RBFOX1: variants seen among roughly 807,000 people sequenced by gnomAD.
RBFOX1 encodes RNA binding protein fox-1 homolog 1.
In RBFOX1, 8 loss-of-function variants were observed where a neutral mutation model predicts 57.7. That is an observed-to-expected ratio of 0.14 (90% CI 0.08 to 0.25). The LOEUF is 0.25. RBFOX1 is among the 10% of genes least tolerant of loss of function. The pLI is 1.00. For missense variants in RBFOX1, 611 were observed against 548.5 expected (o/e 1.11, Z -1.14); for synonymous variants, 326 against 222.4 (o/e 1.47, Z -4.15).
intron 3 of RBFOX1, chr16:5,610,254 G>A (rs55798930): frequency 0.18 from 27,292 of 152,168 alleles, 3,287 homozygotes; most frequent in East Asian, 0.38. Flanking sequence ...ACTCTCAGTC[G>A]CTACTTGTTG....
intron 4 of RBFOX1, among the ~76,000 whole-genome samples, chr16:7,076,522 C>T (rs564511078): frequency 6.6e-6 from 1 of 151,948 alleles, no homozygotes; most frequent in Admixed American, 6.6e-5. Flanking sequence ...AAAAATAATG[C>T]CATATCCCTT....
At chr16:6,484,007 G>A in intron 2 of RBFOX1, 1 of 944,536 alleles carries the variant, frequency 1.1e-6, no homozygotes, top group South Asian at 4.3e-5. Flanking sequence ...TGGACACTTG[G>A]AGAGGGCTAG....
chr16:7,447,219 G>A (rs2098815625), intron 4 of RBFOX1, among the ~76,000 whole-genome samples: 1 of 151,744 alleles, frequency 6.6e-6, no homozygotes, highest in South Asian at 2.1e-4. Flanking sequence ...ATTAATTGAG[G>A]TCAGGAGTTC....
At chr16:6,732,393 G>C (rs2345486) in intron 3 of RBFOX1, among the ~76,000 whole-genome samples, 90,943 of 152,168 alleles carry the variant, frequency 0.6, 30,922 homozygotes, top group Non-Finnish European at 0.77. Flanking sequence ...GCTTCCCCAA[G>C]GCAGGTGACC....
chr16:7,409,347 A>G (rs1440632216), intron 4 of RBFOX1, among the ~76,000 whole-genome samples: 1 of 152,248 alleles, frequency 6.6e-6, no homozygotes, highest in Non-Finnish European at 1.5e-5. Flanking sequence ...GTGAATTGAT[A>G]TTATAAACCC....
intron 2 of RBFOX1, among the ~76,000 whole-genome samples, chr16:6,563,836 A>C (rs1263218825): frequency 6.7e-6 from 1 of 148,292 alleles, no homozygotes; most frequent in African/African-American, 2.5e-5. Flanking sequence ...CAAAAAAAAA[A>C]TATATATATA....
At chr16:7,698,932 T>A (rs974577570) in intron 14 of RBFOX1, among the ~76,000 whole-genome samples, 1 of 152,168 alleles carries the variant, frequency 6.6e-6, no homozygotes, top group African/African-American at 2.4e-5. Flanking sequence ...TGAATTAGCC[T>A]AAGTGGGAAA....
intron 3 of RBFOX1, among the ~76,000 whole-genome samples, chr16:6,874,887 C>T (rs1456972414): frequency 6.6e-6 from 1 of 152,122 alleles, no homozygotes; most frequent in African/African-American, 2.4e-5. Flanking sequence ...GGAACATTAC[C>T]TGTTCCCACA....
At chr16:5,841,206 A>T (rs2056614290) in intron 3 of RBFOX1, among the ~76,000 whole-genome samples, 1 of 152,204 alleles carries the variant, frequency 6.6e-6, no homozygotes, top group African/African-American at 2.4e-5. Context: ...ATCACCACCA[A>T]TCCAGTGTCA....
chr16:7,271,231 C>T (rs79823821), intron 4 of RBFOX1, among the ~76,000 whole-genome samples: 2 of 152,076 alleles, frequency 1.3e-5, no homozygotes, highest in Non-Finnish European at 2.9e-5. Flanking sequence ...TTGCCTTTGT[C>T]TACACGTGTT....
intron 14 of RBFOX1, among the ~76,000 whole-genome samples, chr16:7,686,855 A>C (rs1295743437): frequency 6.6e-6 from 1 of 152,098 alleles, no homozygotes; most frequent in Non-Finnish European, 1.5e-5. Flanking sequence ...GAGGAACTAA[A>C]ATGACAAAAG....
chr16:7,382,551 T>A (rs1250542750), intron 4 of RBFOX1, among the ~76,000 whole-genome samples: 1 of 152,218 alleles, frequency 6.6e-6, no homozygotes, highest in Admixed American at 6.5e-5. Context: ...CTCACCGAAT[T>A]GATTCCATTT....
intron 4 of RBFOX1, among the ~76,000 whole-genome samples, chr16:7,446,987 T>A (rs2150076056): frequency 6.6e-6 from 1 of 151,616 alleles, no homozygotes; most frequent in Middle Eastern, 3.4e-3. Flanking sequence ...TAATATTTTG[T>A]ATTTTTAGTA....
chr16:7,100,293 C>A (rs996821794), intron 4 of RBFOX1, among the ~76,000 whole-genome samples: 3 of 151,876 alleles, frequency 2.0e-5, no homozygotes, highest in Non-Finnish European at 4.4e-5. Context: ...TAAAAAGAAC[C>A]CTGACTCTTT....
chr16:7,325,494 G>A (rs529609504), intron 4 of RBFOX1, among the ~76,000 whole-genome samples: 1 of 152,196 alleles, frequency 6.6e-6, no homozygotes, highest in Admixed American at 6.5e-5. Context: ...CATATGCTTA[G>A]TACATACTTG....
intron 4 of RBFOX1, among the ~76,000 whole-genome samples, chr16:7,236,579 A>G (rs1043088943): frequency 2.0e-5 from 3 of 152,182 alleles, no homozygotes; most frequent in East Asian, 1.9e-4. Context: ...TGATATCTCT[A>G]AGTTGAAAAT....
At chr16:5,488,093 T>A (rs182337509) in intron 2 of RBFOX1, among the ~76,000 whole-genome samples, 1 of 148,934 alleles carries the variant, frequency 6.7e-6, no homozygotes, top group East Asian at 2.0e-4. Flanking sequence ...ATTATGGTGA[T>A]GATGGTGATG....
At position 6,562,856 on chromosome 16, in the gene RBFOX1, C is replaced by CTTTTTTTTTTTTTTT. The variant is rs1567693438; in HGVS notation, c.-63-91744_-63-91743insTTTTTTTTTTTTTTT. On this transcript the variant is annotated intron_variant, in intron 2 of 15. Transcript: ENST00000550418. Reference sequence around the variant, plus strand: ...CTTTTCTTTCTTTCTTTCTTTCTTTCTTTCTTTCTTTCTTTCTTTCTTTCT... The same window carrying CTTTTTTTTTTTTTTT: ...CTTTTCTTTCTTTCTTTCTTTCTTTCTTTTTTTTTTTTTTTTTTCTTTCTTTCTTTCTTTCTTTCT... Among the ~76,000 whole-genome samples, 2 of 50,316 alleles carry CTTTTTTTTTTTTTTT rather than the reference C, an allele frequency of 4.0e-5. 1 individual carries two copies. Among genetic ancestry groups the CTTTTTTTTTTTTTTT allele is most frequent in the African/African-American group, 2.1e-4 (2 of 9,380 alleles). The allele number at this position is 50,316 out of a possible 152,430, so 33.0% of individuals were successfully genotyped here.
At chr16:7,366,837 C>T (rs968675218) in intron 4 of RBFOX1, among the ~76,000 whole-genome samples, 2 of 152,178 alleles carry the variant, frequency 1.3e-5, no homozygotes. Flanking sequence ...CAGGCAGAGA[C>T]ACATGAAAGA....
Sources: allele counts gnomAD v4.1 joint callset (sites outside exome capture counted in the v4.1 genomes callset), GRCh38; gene constraint gnomAD v4.1.1; transcripts MANE v1.5; gene names NCBI Gene and HGNC (gene_info 2026-07-23, HGNC 2026-07-21).